The following KLHL22 variants were observed in gnomAD, a reference collection of about 807,000 sequenced individuals.
KLHL22 encodes the protein kelch like family member 22.
Under a neutral mutation model 60.7 loss-of-function variants are expected in KLHL22, and 18 were observed. That is an observed-to-expected ratio of 0.30 (90% CI 0.20 to 0.44). The LOEUF is 0.44. KLHL22 is among the 20% of genes least tolerant of loss of function. The pLI is 1.00. For missense variants in KLHL22, 596 were observed against 852.3 expected (o/e 0.70, Z 3.74); for synonymous variants, 355 against 354.5 (o/e 1.00, Z -0.01).
intron 5 of KLHL22, chr22:20,451,874 A>G (rs2052985068): frequency 4.6e-6 from 7 of 1,527,660 alleles, no homozygotes; most frequent in Non-Finnish European, 6.3e-6. Context: ...GTGGACAGTT[A>G]GTGGGAGAAT....
rs2053324580 is a variant in KLHL22, at chr22:20,471,382, G to A, written c.361C>T (p.Gln121Ter). 1 of 1,613,876 alleles carries A rather than the reference G, an allele frequency of 6.2e-7. No homozygotes were observed. The highest frequency in any genetic ancestry group is 1.3e-5 in the African/African-American group (1 of 74,920). ...SELELSLSNV[Q>*]ETLVAACQLQ... is the part of the protein sequence containing the mutation. ...TGGCAGGCAGCCACCAGTGTCTCTT[G>A]TACATTGCTCAGGCTGAGCTCCAGC... The change falls in exon 3 of 7, where the codon CAA becomes TAA. Residue 121 changes from glutamine to a stop codon, truncating the protein, a stop_gained. Coordinates refer to ENST00000328879, the MANE Select transcript of KLHL22 (RefSeq NM_032775.4). LOFTEE classifies it high-confidence loss of function.
At chr22:20,484,041 G>C (rs2053548030) in intron 2 of KLHL22, 1 of 855,158 alleles carries the variant, frequency 1.2e-6, no homozygotes, top group East Asian at 2.6e-5. Context: ...GCCATAGCTG[G>C]GAGCCTGGAC....
intron 5 of KLHL22, among the ~76,000 whole-genome samples, chr22:20,453,712 ATTTAT>A (rs1238674785): frequency 6.6e-6 from 1 of 152,164 alleles, no homozygotes; most frequent in Non-Finnish European, 1.5e-5. Flanking sequence ...AAATTAAAAA[ATTTAT>A]TTTATTTATT....
intron 1 of KLHL22, chr22:20,491,531 A>T (rs892174061): frequency 4.6e-5 from 7 of 152,156 alleles, no homozygotes; most frequent in Admixed American, 1.3e-4. Flanking sequence ...GACAAGACCA[A>T]ATATATATTT....
chr22:20,471,309 C>T, intron 3 of KLHL22, 41 bp downstream of exon 3: 2 of 1,594,946 alleles, frequency 1.3e-6, no homozygotes, highest in South Asian at 1.1e-5. Flanking sequence ...GGGAACCCCA[C>T]CTGGGTGTGG....
At chr22:20,445,774 T>G (rs1171658719) in intron 6 of KLHL22, among the ~76,000 whole-genome samples, 4 of 151,342 alleles carry the variant, frequency 2.6e-5, no homozygotes, top group African/African-American at 4.9e-5. Context: ...TTTTTTTTTG[T>G]TTTTTTTGAG....
chr22:20,450,395 A>C, intron 5 of KLHL22: 1 of 1,470,336 alleles, frequency 6.8e-7, no homozygotes, highest in Non-Finnish European at 9.5e-7. Context: ...CTTTGTGTAC[A>C]CGGAAACAGT....
chr22:20,494,077 C>CT (rs1013337464), intron 1 of KLHL22, among the ~76,000 whole-genome samples: 11 of 112,540 alleles, frequency 9.8e-5, no homozygotes, highest in African/African-American at 3.7e-4. Flanking sequence ...AGACTTTGCC[C>CT]CCCCCCCAAA....
intron 6 of KLHL22, 115 bp downstream of exon 6, chr22:20,446,328 G>T (rs2052859915): frequency 2.8e-6 from 2 of 718,506 alleles, no homozygotes; most frequent in Admixed American, 2.1e-5. Flanking sequence ...ACCTAAAACT[G>T]CTCTAAAAAA....
At chr22:20,487,337 C>T (rs895796586) in intron 2 of KLHL22, among the ~76,000 whole-genome samples, 2 of 151,702 alleles carry the variant, frequency 1.3e-5, no homozygotes, top group Admixed American at 1.3e-4. Context: ...CCTGCCTCAG[C>T]CTCCCAAGTA....
intron 5 of KLHL22, 81 bp downstream of exon 5, chr22:20,457,727 G>A (rs1282987226): frequency 1.8e-6 from 2 of 1,125,230 alleles, no homozygotes; most frequent in Non-Finnish European, 2.6e-6. Context: ...GACAGGCCTT[G>A]ACACCTAGGC....
At chr22:20,458,445 A>ATTTT (rs938534970) in intron 4 of KLHL22, among the ~76,000 whole-genome samples, 5,024 of 90,370 alleles carry the variant, frequency 0.056, 358 homozygotes, top group Non-Finnish European at 0.086. Context: ...AACGCCCGCT[A>ATTTT]TTTTTTTTTT....
chr22:20,447,717 A>G (rs1601323250), intron 5 of KLHL22, among the ~76,000 whole-genome samples: 1 of 151,866 alleles, frequency 6.6e-6, no homozygotes, highest in East Asian at 1.9e-4. Flanking sequence ...TAACTTTTGT[A>G]TTTTTAATAG....
chr22:20,480,791 T>C (rs1258785246), intron 2 of KLHL22, among the ~76,000 whole-genome samples: 2 of 151,570 alleles, frequency 1.3e-5, no homozygotes, highest in Non-Finnish European at 2.9e-5. Flanking sequence ...TTTTGAGTTT[T>C]GGGTGGGTTC....
rs144408339 is a variant in KLHL22, at chr22:20,465,085, C to T, written c.885G>A (p.Ser295=). 115 of 1,613,534 alleles carry T rather than the reference C, an allele frequency of 7.1e-5. No homozygotes were observed. The East Asian group carries it at 1.1e-3, about 15-fold the overall frequency. The change falls in exon 4 of 7, where the codon TCG becomes TCA. Residue 295 remains serine, a synonymous_variant. Transcript: ENST00000328879. This position sits in a 1 kb window ranked among gnomAD's most constrained non-coding sequence, Gnocchi z 4.9. ...SLQSPQTELR[S]DFQCVVGFGG... ...CGAAGCCCACAACGCACTGGAAGTC[C>T]GACCGCAGCTCCGTTTGCGGGCTCT...
intron 2 of KLHL22, among the ~76,000 whole-genome samples, chr22:20,475,962 T>C (rs576751312): frequency 2.0e-5 from 3 of 152,332 alleles, no homozygotes; most frequent in South Asian, 2.1e-4. Context: ...GCTAGCTTTT[T>C]ACATTTGAAT....
chr22:20,489,142 T>TCACGCAGTG lies in KLHL22; in HGVS notation c.61_69dup (p.His21_Val23dup), dbSNP rs766338595. ...TGCTGTGCGCTGCGGTAGGTGTTGTTCACGCAGTGTGGGTGTGAGGGCTGT... is the reference window on the plus strand; with the variant it reads ...TGCTGTGCGCTGCGGTAGGTGTTGTTCACGCAGTGCACGCAGTGTGGGTGTGAGGGCTGT... On this transcript the variant is annotated inframe_insertion, in exon 2 of 7. Coordinates refer to ENST00000328879, the MANE Select transcript of KLHL22 (RefSeq NM_032775.4). 2 of 1,614,124 alleles carry TCACGCAGTG rather than the reference T, an allele frequency of 1.2e-6. No homozygotes were observed. Among genetic ancestry groups the TCACGCAGTG allele is most frequent in the South Asian group, 2.2e-5 (2 of 91,078 alleles).
At chr22:20,442,691 G>T (rs2052781643) in intron 6 of KLHL22, among the ~76,000 whole-genome samples, 1 of 152,220 alleles carries the variant, frequency 6.6e-6, no homozygotes, top group Non-Finnish European at 1.5e-5. Context: ...ATTCTCTCTG[G>T]CTTTGCTCCA....
chr22:20,457,661 G>T, intron 5 of KLHL22, 147 bp downstream of exon 5: 1 of 648,560 alleles, frequency 1.5e-6, no homozygotes. Context: ...TGCATTCAAT[G>T]CAGGGTCTCT....
Sources: allele counts gnomAD v4.1 joint callset (sites outside exome capture counted in the v4.1 genomes callset), GRCh38; gene constraint gnomAD v4.1.1; non-coding constraint Gnocchi (gnomAD v3.1); transcripts MANE v1.5; gene names NCBI Gene and HGNC (gene_info 2026-07-23, HGNC 2026-07-21).